Variants in OSBPL11 observed in about 807,000 individuals in gnomAD.
The protein encoded by OSBPL11 is oxysterol-binding protein-related protein 11.
In OSBPL11, 33 loss-of-function variants were observed where a neutral mutation model predicts 84.4. The ratio of observed to expected loss-of-function variants is 0.39; its 90% CI spans 0.30 to 0.52. The LOEUF is 0.52. OSBPL11 is among the 20% of genes least tolerant of loss of function. The probability of loss-of-function intolerance (pLI) is 0.72; values close to 1 mark genes in which losing one functional copy is unlikely to be tolerated. For synonymous variants in OSBPL11, 276 were observed against 310.2 expected (o/e 0.89, Z 1.16); for missense variants, 736 against 901.1 (o/e 0.82, Z 2.35).
rs10678056 is a variant in OSBPL11, at chr3:125,539,300, CATATATATATATATATATATAT to C, written c.1842-689_1842-668del. ...AAGTTTAATGAAGAGTCACCACAGC[CATATATATATATATATATATAT>C]ATATATATATATATATATATATAAT... On this transcript the variant is annotated intron_variant, in intron 10 of 12. Transcript: ENST00000296220. Among the ~76,000 whole-genome samples, 177 of 67,842 alleles carry C rather than the reference CATATATATATATATATATATAT, an allele frequency of 2.6e-3. 4 individuals carry two copies. Among genetic ancestry groups the C allele is most frequent in the African/African-American group, 6.9e-3 (153 of 22,088 alleles). 44.5% of individuals were successfully genotyped at this position (67,842 alleles called of 152,430 possible). A position where few individuals can be genotyped will look rare whatever the true frequency, so the allele number is the denominator to read the frequency against.
intron 2 of OSBPL11, among the ~76,000 whole-genome samples, chr3:125,581,145 T>A (rs1203992798): frequency 6.6e-6 from 1 of 151,290 alleles, no homozygotes; most frequent in Admixed American, 6.6e-5. Context: ...CAGGCTGGAG[T>A]GCAGTGGCAC....
intron 1 of OSBPL11, among the ~76,000 whole-genome samples, chr3:125,594,416 A>C (rs1936648183): frequency 6.6e-6 from 1 of 152,222 alleles, no homozygotes; most frequent in African/African-American, 2.4e-5. Flanking sequence ...TCAGGGATAC[A>C]TTTCTGTGTT....
intron 8 of OSBPL11, among the ~76,000 whole-genome samples, chr3:125,557,220 A>G (rs1057082965): frequency 6.6e-6 from 1 of 152,216 alleles, no homozygotes; most frequent in Non-Finnish European, 1.5e-5. Context: ...TATTCACAAC[A>G]TGAAGGCTAG....
intron 1 of OSBPL11, among the ~76,000 whole-genome samples, chr3:125,592,418 A>T (rs16836896): frequency 0.17 from 26,008 of 152,170 alleles, 2,348 homozygotes; most frequent in African/African-American, 0.21. Context: ...TCTGACTTAA[A>T]AGTTTTCTGT....
intron 2 of OSBPL11, among the ~76,000 whole-genome samples, chr3:125,580,514 CAAAAAAAA>C (rs56041212): frequency 3.1e-5 from 2 of 64,980 alleles, no homozygotes; most frequent in African/African-American, 6.3e-5. Context: ...AACTCCGTCT[CAAAAAAAA>C]AAAAAAAAAA....
intron 6 of OSBPL11, among the ~76,000 whole-genome samples, chr3:125,566,068 C>T (rs545855920): frequency 4.7e-4 from 72 of 152,020 alleles, no homozygotes; most frequent in Admixed American, 5.2e-4. Flanking sequence ...CGCAGTGGCA[C>T]GATCTGGGCT....
At chr3:125,581,255 C>A (rs1167727512) in intron 2 of OSBPL11, among the ~76,000 whole-genome samples, 1 of 151,982 alleles carries the variant, frequency 6.6e-6, no homozygotes, top group Non-Finnish European at 1.5e-5. Flanking sequence ...CCATGCCCAG[C>A]TAATTTTTGT....
chr3:125,570,449 C>G (rs574788840), intron 5 of OSBPL11, among the ~76,000 whole-genome samples: 4 of 151,792 alleles, frequency 2.6e-5, no homozygotes, highest in African/African-American at 7.3e-5. Context: ...CTCAAGAGTT[C>G]GAGGCTGCAG....
At position 125,588,295 on chromosome 3, in the gene OSBPL11, CA is replaced by C. The variant is rs1936546216; in HGVS notation, c.165-5318del. ...AGATATGACAAAGACTGAGAAGACT[CA>C]TTAGACTTAAAACCCAGAGATAACA... On this transcript the variant is annotated intron_variant, in intron 1 of 12. Transcript: ENST00000296220. Among the ~76,000 whole-genome samples, 3 of 151,022 alleles carry C rather than the reference CA, an allele frequency of 2.0e-5. No homozygotes were observed. In the South Asian group the frequency reaches 6.2e-4, roughly 31 times the overall value.
rs60571172 is a variant in OSBPL11 at position 125,543,124 on chromosome 3, ATTTTTT to A, written c.1841+4276_1841+4281del. 1.1e-4 allele frequency among the ~76,000 whole-genome samples: 11 copies of A among 99,276 alleles called. No individual in the cohort carries two copies. In the South Asian group the frequency reaches 2.8e-3, roughly 25 times the overall value. 65.1% of individuals were successfully genotyped at this position (99,276 alleles called of 152,430 possible). ...ACCTTTCCCTCCTGGGGCTAGTAAGATTTTTTTTTTTTTTTTTTTTTTTTTGAGACA... is the reference window on the plus strand; with the variant it reads ...ACCTTTCCCTCCTGGGGCTAGTAAGATTTTTTTTTTTTTTTTTTTGAGACA... On this transcript the variant is annotated intron_variant, in intron 10 of 12. Transcript: ENST00000296220.
intron 10 of OSBPL11, among the ~76,000 whole-genome samples, chr3:125,543,721 C>T (rs534552467): frequency 1.3e-5 from 2 of 151,700 alleles, no homozygotes; most frequent in Non-Finnish European, 2.9e-5. Flanking sequence ...GCCAACATGG[C>T]GAAACCCCGT....
chr3:125,576,136 C>A, intron 5 of OSBPL11, 53 bp downstream of exon 5: 3 of 1,515,198 alleles, frequency 2.0e-6, no homozygotes, highest in Admixed American at 2.1e-5. Context: ...GTGACAAAAC[C>A]AAGCAGGTAA....
chr3:125,574,480 G>GTTTT (rs56689283), intron 5 of OSBPL11, among the ~76,000 whole-genome samples: 3 of 135,364 alleles, frequency 2.2e-5, no homozygotes, highest in Non-Finnish European at 4.8e-5. Flanking sequence ...CTGATTAGCA[G>GTTTT]TTTTTTTTTT....
intron 9 of OSBPL11, 35 bp downstream of exon 9, chr3:125,552,146 T>C (rs958876722): frequency 2.4e-6 from 2 of 833,148 alleles, no homozygotes; most frequent in African/African-American, 1.1e-4. Context: ...TGTGTGTATA[T>C]ATATATATAT....
At chr3:125,561,501 C>A (rs1005946431) in intron 7 of OSBPL11, among the ~76,000 whole-genome samples, 1 of 152,170 alleles carries the variant, frequency 6.6e-6, no homozygotes, top group South Asian at 2.1e-4. Flanking sequence ...CAGTCAGTCA[C>A]AAATCCAATT....
chr3:125,551,694 C>T (rs2107595210), intron 9 of OSBPL11, among the ~76,000 whole-genome samples: 1 of 152,166 alleles, frequency 6.6e-6, no homozygotes, highest in South Asian at 2.1e-4. Context: ...AGGAGAATCG[C>T]TTGAACCTGG....
rs985753877 is a variant in OSBPL11 at position 125,595,244 on chromosome 3, T to C, written c.-444A>G. Among the ~76,000 whole-genome samples, 2 of 152,016 alleles carry C rather than the reference T, an allele frequency of 1.3e-5. No homozygotes were observed. Among genetic ancestry groups the C allele is most frequent in the Admixed American group, 6.6e-5 (1 of 15,264 alleles). On this transcript the variant is annotated 5_prime_UTR_variant, in exon 1 of 13. Coordinates refer to ENST00000296220, the MANE Select transcript of OSBPL11 (RefSeq NM_022776.5). ...GTCTCCTCCGCAGGTCCTCAGGCAG[T>C]GCGTCCAGTCAAGCCCGCTCGGCAG...
At chr3:125,531,498 T>G (rs1935555418) in intron 12 of OSBPL11, among the ~76,000 whole-genome samples, 1 of 149,840 alleles carries the variant, frequency 6.7e-6, no homozygotes, top group Non-Finnish European at 1.5e-5. Flanking sequence ...TCCATGTTGG[T>G]CAGGCTGGTC....
rs1310243368 is a variant in OSBPL11, at chr3:125,549,633, CA to C, written c.1655-2042del. Among the ~76,000 whole-genome samples, 3 of 152,170 alleles carry C rather than the reference CA, an allele frequency of 2.0e-5. No individual in the cohort carries two copies. The East Asian group carries it at 5.8e-4, about 29-fold the overall frequency. On this transcript the variant is annotated intron_variant, in intron 9 of 12. Transcript: ENST00000296220. Reference sequence around the variant, plus strand: ...AGTACCTGAGATTATAGAAGCAAGCCAACATGCCCAGTTAATTTTTTTTTTT... The same window carrying C: ...AGTACCTGAGATTATAGAAGCAAGCCACATGCCCAGTTAATTTTTTTTTTT...
Sources: gnomAD v4.1 joint callset for allele counts (sites outside exome capture counted in the v4.1 genomes callset) on GRCh38, gnomAD v4.1.1 for gene constraint, MANE v1.5 for transcripts, NCBI Gene and HGNC (gene_info 2026-07-23, HGNC 2026-07-21) for gene names.